KLHL1: variants seen among roughly 807,000 people sequenced by gnomAD.
KLHL1 encodes the protein kelch-like protein 1.
Under a neutral mutation model 77.7 loss-of-function variants are expected in KLHL1, and 47 were observed. That is an observed-to-expected ratio of 0.60 (90% CI 0.48 to 0.77). The LOEUF is 0.77. Ranked by LOEUF, KLHL1 falls within the 30% of genes least tolerant of loss-of-function variation. KLHL1 has a pLI of 0.00. For missense variants in KLHL1, 925 were observed against 910.8 expected, an observed-to-expected ratio of 1.02 and a Z score of -0.20; for synonymous variants, 360 against 325.2, an observed-to-expected ratio of 1.11 and a Z score of -1.15.
intron 1 of KLHL1, among the ~76,000 whole-genome samples, chr13:70,068,194 G>A (rs9599542): frequency 0.35 from 53,165 of 151,166 alleles, 10,428 homozygotes; most frequent in African/African-American, 0.54. Context: ...ACAAAAAATT[G>A]GCCGGGCGTG....
rs1483929799 is a variant in KLHL1 at position 69,986,744 on chromosome 13, T to A, written c.498-10942A>T. On this transcript the variant is annotated intron_variant, in intron 1 of 10. Transcript: ENST00000377844. ...AAGTTTTGCTTACATAATTCTATAC[T>A]CTTAGAGATGAGTTAGTGTTGAGGG... is the stretch of plus-strand genomic sequence containing the variant. Among the ~76,000 whole-genome samples, 7 of 152,080 alleles carry A rather than the reference T, an allele frequency of 4.6e-5. No homozygotes were observed. In the South Asian group the frequency reaches 1.4e-3, roughly 31 times the overall value.
At chr13:69,898,197 G>C (rs890445813) in intron 4 of KLHL1, among the ~76,000 whole-genome samples, 2 of 152,180 alleles carry the variant, frequency 1.3e-5, no homozygotes, top group Admixed American at 6.5e-5. Flanking sequence ...CCTGCTCCAG[G>C]ATAGCCTCTG....
Position 69,961,422 on chromosome 13 carries a change from C to T in KLHL1, c.703G>A (p.Asp235Asn), listed in dbSNP as rs112767369. The change falls in exon 3 of 11, where the codon GAC becomes AAC. Residue 235 changes from aspartate (D) to asparagine (N), a missense_variant. Physicochemically the swap from Asp to Asn is conservative, Grantham distance 23. Coordinates refer to ENST00000377844, the MANE Select transcript of KLHL1 (RefSeq NM_020866.3). ...CTTGTAAACATGGCCGCAAAATAGT[C>T]GGAGACTGAACTCAGAACAAGCCTG... ...AHRLVLSSVS[D>N]YFAAMFTSDV... 26 of 1,612,626 alleles carry T rather than the reference C, an allele frequency of 1.6e-5. No homozygotes were observed. The highest frequency in any genetic ancestry group is 4.5e-5 in the East Asian group (2 of 44,756).
At chr13:69,780,380 C>A (rs952121409) in intron 7 of KLHL1, among the ~76,000 whole-genome samples, 1 of 151,936 alleles carries the variant, frequency 6.6e-6, no homozygotes, top group Non-Finnish European at 1.5e-5. Context: ...TTTAAAGAAA[C>A]ATATTGTCTT....
chr13:70,010,521 GCCT>G (rs974084964), intron 1 of KLHL1, among the ~76,000 whole-genome samples: 5 of 152,106 alleles, frequency 3.3e-5, no homozygotes, highest in African/African-American at 1.2e-4. Flanking sequence ...ATCTTGTGAG[GCCT>G]CCCCAGCCAC....
intron 1 of KLHL1, among the ~76,000 whole-genome samples, chr13:70,084,572 C>A (rs1426903166): frequency 7.0e-6 from 1 of 142,176 alleles, no homozygotes; most frequent in African/African-American, 2.6e-5. Context: ...CATTTTCCTG[C>A]CTCAGCCTCC....
intron 4 of KLHL1, among the ~76,000 whole-genome samples, chr13:69,906,047 G>T (rs1211009388): frequency 2.0e-5 from 3 of 151,982 alleles, no homozygotes; most frequent in South Asian, 2.1e-4. Context: ...TAACCGTAAA[G>T]AATTTTGATT....
intron 8 of KLHL1, among the ~76,000 whole-genome samples, chr13:69,737,542 C>G (rs1341300870): frequency 6.6e-6 from 1 of 152,210 alleles, no homozygotes; most frequent in Non-Finnish European, 1.5e-5. Flanking sequence ...AGCTGTTTCC[C>G]TCTGCTGCTG....
intron 9 of KLHL1, among the ~76,000 whole-genome samples, chr13:69,718,040 A>G (rs1349397879): frequency 1.3e-5 from 2 of 152,158 alleles, no homozygotes; most frequent in Non-Finnish European, 2.9e-5. Flanking sequence ...TCTCTTGCCA[A>G]TGGACTTATC....
intron 5 of KLHL1, among the ~76,000 whole-genome samples, chr13:69,867,271 A>T (rs978135596): frequency 6.6e-6 from 1 of 152,234 alleles, no homozygotes; most frequent in South Asian, 2.1e-4. Flanking sequence ...CCTAAATTCT[A>T]TATATAATAA....
intron 5 of KLHL1, among the ~76,000 whole-genome samples, chr13:69,856,311 A>G (rs1286487384): frequency 3.3e-5 from 5 of 152,144 alleles, no homozygotes. Context: ...GCATCCTGTT[A>G]CACATACAGG....
rs143835423 is a variant in KLHL1 at position 69,955,529 on chromosome 13, C to T, written c.817+5779G>A. On this transcript the variant is annotated intron_variant, in intron 3 of 10. Coordinates refer to ENST00000377844, the MANE Select transcript of KLHL1 (RefSeq NM_020866.3). ...TATCAGTTCTCTACAGGACCTGACA[C>T]TTTGTTAGTAACTCTGCAATTCCAT... is the stretch of plus-strand genomic sequence containing the variant. Among the ~76,000 whole-genome samples, 1,319 of 151,346 alleles carry T rather than the reference C, an allele frequency of 8.7e-3. 16 individuals carry two copies. The highest frequency in any genetic ancestry group is 0.029 in the African/African-American group (1,216 of 41,448).
At chr13:69,794,855 C>T (rs1877034332) in intron 7 of KLHL1, among the ~76,000 whole-genome samples, 1 of 151,962 alleles carries the variant, frequency 6.6e-6, no homozygotes, top group Non-Finnish European at 1.5e-5. Context: ...AGTTACCTCT[C>T]AGGAAAGGAT....
chr13:69,809,799 C>T (rs1877785534), intron 6 of KLHL1, among the ~76,000 whole-genome samples: 1 of 151,682 alleles, frequency 6.6e-6, no homozygotes, highest in Non-Finnish European at 1.5e-5. Flanking sequence ...CCACTGTCTT[C>T]CAGAGACCCA....
At chr13:70,055,196 A>T (rs1409436548) in intron 1 of KLHL1, among the ~76,000 whole-genome samples, 1 of 152,110 alleles carries the variant, frequency 6.6e-6, no homozygotes, top group African/African-American at 2.4e-5. Context: ...AAACATAAAA[A>T]GGAGCTGCAA....
chr13:69,749,633 T>C (rs993741128), intron 7 of KLHL1, among the ~76,000 whole-genome samples: 1 of 152,000 alleles, frequency 6.6e-6, no homozygotes, highest in Non-Finnish European at 1.5e-5. Flanking sequence ...ATATGGGTTA[T>C]AGAACACATA....
At chr13:69,799,780 G>A (rs1877291919) in intron 6 of KLHL1, among the ~76,000 whole-genome samples, 1 of 152,092 alleles carries the variant, frequency 6.6e-6, no homozygotes, top group African/African-American at 2.4e-5. Context: ...CTATCTTCTA[G>A]AACAAGGGTC....
At chr13:69,869,222 G>A (rs187354607) in intron 5 of KLHL1, among the ~76,000 whole-genome samples, 82 of 152,100 alleles carry the variant, frequency 5.4e-4, no homozygotes, top group Admixed American at 1.3e-3. Context: ...GATAATAGCC[G>A]ATCCTTACTG....
chr13:69,759,757 T>C (rs1047694528), intron 7 of KLHL1, among the ~76,000 whole-genome samples: 6 of 152,174 alleles, frequency 3.9e-5, no homozygotes, highest in Non-Finnish European at 1.5e-5. Context: ...AGAAAATTTA[T>C]ATCTCAAAAC....
Sources: gnomAD v4.1 joint callset for allele counts (sites outside exome capture counted in the v4.1 genomes callset) on GRCh38, gnomAD v4.1.1 for gene constraint, MANE v1.5 for transcripts, NCBI Gene and HGNC (gene_info 2026-07-23, HGNC 2026-07-21) for gene names.